The following AGAP1 variants were observed in gnomAD, a reference collection of about 807,000 sequenced individuals.
AGAP1 encodes the protein ArfGAP with GTPase domain, ankyrin repeat and PH domain 1, also known as arf-GAP with GTPase, ANK repeat and PH domain-containing protein 1.
Under a neutral mutation model 105.3 loss-of-function variants are expected in AGAP1, and 29 were observed. The ratio of observed to expected loss-of-function variants is 0.28; its 90% CI spans 0.21 to 0.38. AGAP1 has a LOEUF of 0.38. AGAP1 is among the 10% of genes least tolerant of loss of function. The probability of loss-of-function intolerance (pLI) is 1.00; values close to 1 mark genes in which losing one functional copy is unlikely to be tolerated. For missense variants in AGAP1, 998 were observed against 1,165.1 expected (o/e 0.86, Z 2.09); for synonymous variants, 509 against 485.9 (o/e 1.05, Z -0.63).
intron 16 of AGAP1, among the ~76,000 whole-genome samples, chr2:236,084,098 C>T (rs1351292667): frequency 6.6e-6 from 1 of 152,126 alleles, no homozygotes; most frequent in Non-Finnish European, 1.5e-5. Context: ...CAGGAAGCAC[C>T]CCTGTCATAA....
intron 1 of AGAP1, among the ~76,000 whole-genome samples, chr2:235,536,627 TCA>T (rs370173877): frequency 0.15 from 16,148 of 107,850 alleles, 1,159 homozygotes; most frequent in Non-Finnish European, 0.17. Context: ...GTCGCATCCT[TCA>T]CACACACACA....
Position 235,623,635 on chromosome 2 carries a change from G to A in AGAP1, c.164-85544G>A, listed in dbSNP as rs1946553629. On this transcript the variant is annotated intron_variant, in intron 1 of 17. Coordinates refer to ENST00000304032, the MANE Select transcript of AGAP1 (RefSeq NM_001037131.3). This position sits in a 1 kb window ranked among gnomAD's most constrained non-coding sequence, Gnocchi z 4.5. ...GAGATGCATGGTAGGTTAGGGTGCTGTGTTGCAGGTCTGTGATGCAGTTGC... is the reference window on the plus strand; with the variant it reads ...GAGATGCATGGTAGGTTAGGGTGCTATGTTGCAGGTCTGTGATGCAGTTGC... Among the ~76,000 whole-genome samples, 1 of 152,160 alleles carries A rather than the reference G, an allele frequency of 6.6e-6. No individual in the cohort carries two copies. Among genetic ancestry groups the A allele is most frequent in the Admixed American group, 6.5e-5 (1 of 15,270 alleles).
chr2:235,930,768 ATG>A lies in AGAP1; in HGVS notation c.1330_1331del (p.Val444HisfsTer2), dbSNP rs2052685230. 2.5e-6 allele frequency: 4 copies of A among 1,613,386 alleles called. No homozygotes were observed. The highest frequency in any genetic ancestry group is 3.4e-6 in the Non-Finnish European group (4 of 1,179,766). On this transcript the variant is annotated frameshift_variant, in exon 12 of 18. Transcript: ENST00000304032. LOFTEE classifies it high-confidence loss of function. The surrounding 1 kb of genome is among the most constrained non-coding windows in gnomAD (Gnocchi z 7.9). ...CACCTGACTTGTTTATTCCTAGGGA[ATG>A]TCACTAGTGCATCTGGGTCTCAGAT... is the stretch of plus-strand genomic sequence containing the variant.
At chr2:235,894,231 T>G (rs1030169167) in intron 10 of AGAP1, among the ~76,000 whole-genome samples, 1 of 152,210 alleles carries the variant, frequency 6.6e-6, no homozygotes, top group East Asian at 1.9e-4. Context: ...TTTCTAAGAC[T>G]GGCAGGAGTC....
At chr2:235,654,956 A>G (rs1947726117) in intron 1 of AGAP1, among the ~76,000 whole-genome samples, 1 of 152,212 alleles carries the variant, frequency 6.6e-6, no homozygotes, top group Non-Finnish European at 1.5e-5. Flanking sequence ...ATTTGCATTC[A>G]TATCAGAAGG....
Position 235,760,023 on chromosome 2 carries a change from A to T in AGAP1, c.673+9535A>T, listed in dbSNP as rs553207566. ...AGCTATAAAAGCACATGTTTTACTG[A>T]TGAGAGAAGCTTCTGGCACATCAAC... On this transcript the variant is annotated intron_variant, in intron 6 of 17. Transcript: ENST00000304032. Among the ~76,000 whole-genome samples the T allele has an allele frequency of 3.4e-4, 52 of 152,204 alleles. 1 individual carries two copies. Among genetic ancestry groups the T allele is most frequent in the Non-Finnish European group, 7.1e-4 (48 of 68,046 alleles).
chr2:235,644,765 A>G (rs573192400), intron 1 of AGAP1, among the ~76,000 whole-genome samples: 2 of 152,264 alleles, frequency 1.3e-5, no homozygotes, highest in South Asian at 4.1e-4. Flanking sequence ...TGATCCATGG[A>G]TTGGGAACCC....
At chr2:236,015,188 G>A (rs534101697) in intron 13 of AGAP1, among the ~76,000 whole-genome samples, 1 of 152,126 alleles carries the variant, frequency 6.6e-6, no homozygotes, top group East Asian at 1.9e-4. Context: ...ATACATGTGG[G>A]CACTCAGTGT....
chr2:235,678,132 C>G (rs1164173736), intron 1 of AGAP1, among the ~76,000 whole-genome samples: 1 of 152,084 alleles, frequency 6.6e-6, no homozygotes, highest in Non-Finnish European at 1.5e-5. Context: ...GCCAATGCAG[C>G]TCGTTGACAG....
intron 1 of AGAP1, among the ~76,000 whole-genome samples, chr2:235,498,420 A>G (rs1241234436): frequency 6.6e-6 from 1 of 152,076 alleles, no homozygotes; most frequent in Non-Finnish European, 1.5e-5. Context: ...TGTGAAATGT[A>G]GCCACACAGC....
In AGAP1 at chr2:235,962,339, G is replaced by C. The variant is rs2054227636; in HGVS notation, c.1484-6123G>C. 6.6e-6 allele frequency among the ~76,000 whole-genome samples: 1 copy of C among 152,158 alleles called. No homozygotes were observed. Among genetic ancestry groups the C allele is most frequent in the Non-Finnish European group, 1.5e-5 (1 of 68,018 alleles). ...AGCAGGTGGAGGGCTGGAAGTCAGT[G>C]AAGTTGGGGCTTCCTACTCAGGAGA... On this transcript the variant is annotated intron_variant, in intron 12 of 17. Transcript: ENST00000304032. The surrounding 1 kb of genome is among the most constrained non-coding windows in gnomAD (Gnocchi z 5.3).
intron 10 of AGAP1, among the ~76,000 whole-genome samples, chr2:235,884,452 GT>G (rs35976413): frequency 9.8e-4 from 122 of 124,640 alleles, no homozygotes; most frequent in Middle Eastern, 4.3e-3. Context: ...ATTTTTCACT[GT>G]TTTTTTTTTT....
chr2:235,951,428 A>G lies in AGAP1; in HGVS notation c.1484-17034A>G, dbSNP rs2053736029. On this transcript the variant is annotated intron_variant, in intron 12 of 17. Transcript: ENST00000304032. The surrounding 1 kb of genome is among the most constrained non-coding windows in gnomAD (Gnocchi z 4.2). ...AGTAGCATGGAACTGAAAAATGTGT[A>G]GCAGGTTTTCAAACCTCTTACTTGC... 6.6e-6 allele frequency among the ~76,000 whole-genome samples: 1 copy of G among 152,256 alleles called. No homozygotes were observed.
chr2:235,827,829 T>C (rs12477443), intron 9 of AGAP1, among the ~76,000 whole-genome samples: 69,394 of 152,132 alleles, frequency 0.46, 18,054 homozygotes, highest in East Asian at 0.78. Context: ...CAGGGGTGGC[T>C]GCCTTCACTC....
In AGAP1 at chr2:235,639,841, A is replaced by G. The variant is rs1258537045; in HGVS notation, c.164-69338A>G. Among the ~76,000 whole-genome samples, 1 of 152,118 alleles carries G rather than the reference A, an allele frequency of 6.6e-6. No individual in the cohort carries two copies. Among genetic ancestry groups the G allele is most frequent in the Non-Finnish European group, 1.5e-5 (1 of 68,024 alleles). ...CTGTTCTCGGACTTCTTTTTGGATT[A>G]TTTGCAACGTCTTGAGGGGTCCACG... is the stretch of plus-strand genomic sequence containing the variant. On this transcript the variant is annotated intron_variant, in intron 1 of 17. Transcript: ENST00000304032. This position sits in a 1 kb window ranked among gnomAD's most constrained non-coding sequence, Gnocchi z 5.3.
intron 1 of AGAP1, among the ~76,000 whole-genome samples, chr2:235,606,813 G>A (rs2149246689): frequency 6.6e-6 from 1 of 152,132 alleles, no homozygotes; most frequent in Middle Eastern, 3.4e-3. Context: ...GCCTGGCATG[G>A]TGGCGCACGC....
chr2:235,771,867 TTTTAC>T (rs1382734049), intron 6 of AGAP1, among the ~76,000 whole-genome samples: 2 of 152,196 alleles, frequency 1.3e-5, no homozygotes, highest in African/African-American at 4.8e-5. Flanking sequence ...CATTCATCCT[TTTTAC>T]TTGTTTCGAG....
intron 11 of AGAP1, among the ~76,000 whole-genome samples, chr2:235,922,060 T>G (rs781487792): frequency 3.1e-4 from 47 of 152,220 alleles, no homozygotes; most frequent in Admixed American, 5.2e-4. Context: ...CTTCATCCAG[T>G]TGTGATTCCA....
rs572512814 is a variant in AGAP1 at position 235,742,786 on chromosome 2, G to T, written c.396+1738G>T. 7.2e-5 allele frequency among the ~76,000 whole-genome samples: 11 copies of T among 152,298 alleles called. No individual in the cohort carries two copies. In the South Asian group the frequency reaches 2.3e-3, roughly 32 times the overall value. On this transcript the variant is annotated intron_variant, in intron 4 of 17. Transcript: ENST00000304032. Reference sequence around the variant, plus strand: ...GTTTTCCCCAGCACATAAATGTTTTGAGTGACTGGAAACAAGCTTTTTTCT... The same window carrying T: ...GTTTTCCCCAGCACATAAATGTTTTTAGTGACTGGAAACAAGCTTTTTTCT...
Sources: allele counts gnomAD v4.1 joint callset (sites outside exome capture counted in the v4.1 genomes callset), GRCh38; gene constraint gnomAD v4.1.1; non-coding constraint Gnocchi (gnomAD v3.1); transcripts MANE v1.5; gene names NCBI Gene and HGNC (gene_info 2026-07-23, HGNC 2026-07-21).